Variants in ARB2A observed in about 807,000 individuals in gnomAD.
The protein encoded by ARB2A is ARB2 cotranscriptional regulator A.
chr5:93,781,772 G>T, the ARB2A span: 2 of 460,196 alleles, frequency 4.3e-6, no homozygotes, highest in Non-Finnish European at 5.7e-6. Context: ...TTTCTCTGAT[G>T]ATTAGTGATG....
the ARB2A span, among the ~76,000 whole-genome samples, chr5:93,835,092 GAATTC>G: frequency 1.8e-3 from 278 of 152,278 alleles, 2 homozygotes; most frequent in African/African-American, 5.8e-3. Flanking sequence ...ATTTACCCTA[GAATTC>G]TGCTACATTC....
the ARB2A span, among the ~76,000 whole-genome samples, chr5:93,726,678 TG>T: frequency 1.3e-5 from 2 of 152,008 alleles, no homozygotes; most frequent in Admixed American, 1.3e-4. Context: ...TTTTCTTTTT[TG>T]GTAAGAAGCT....
chr5:94,052,486 C>T, the ARB2A span, among the ~76,000 whole-genome samples: 8 of 152,110 alleles, frequency 5.3e-5, no homozygotes, highest in Non-Finnish European at 7.4e-5. Flanking sequence ...AGCACCAATT[C>T]GGTTAATGCA....
At chr5:93,764,118 CT>C in the ARB2A span, among the ~76,000 whole-genome samples, 2 of 152,110 alleles carry the variant, frequency 1.3e-5, no homozygotes, top group African/African-American at 4.8e-5. Context: ...AATTGACACC[CT>C]AATATCACAA....
the ARB2A span, among the ~76,000 whole-genome samples, chr5:93,926,291 A>C: frequency 6.6e-6 from 1 of 151,746 alleles, no homozygotes; most frequent in Non-Finnish European, 1.5e-5. Flanking sequence ...CACCATGCCC[A>C]GCTAATTTTG....
the ARB2A span, among the ~76,000 whole-genome samples, chr5:93,746,420 G>C: frequency 3.3e-5 from 5 of 152,306 alleles, no homozygotes; most frequent in South Asian, 2.1e-4. Context: ...TTTTACTCTT[G>C]TATGTGGAGA....
chr5:94,086,742 G>A, the ARB2A span, among the ~76,000 whole-genome samples: 1 of 151,944 alleles, frequency 6.6e-6, no homozygotes, highest in East Asian at 1.9e-4. Flanking sequence ...TAGTAGAGAC[G>A]GGGTTTCACC....
chr5:94,091,281 T>C, the ARB2A span, among the ~76,000 whole-genome samples: 11 of 152,340 alleles, frequency 7.2e-5, no homozygotes, highest in African/African-American at 1.2e-4. Flanking sequence ...TTAGCAGTTA[T>C]TGCAGTATTC....
chr5:93,652,329 T>C, the ARB2A span, among the ~76,000 whole-genome samples: 13 of 152,178 alleles, frequency 8.5e-5, no homozygotes, highest in African/African-American at 1.2e-4. Context: ...TGGTTGAAAA[T>C]CACTGATTTA....
chr5:93,827,636 A>G, the ARB2A span, among the ~76,000 whole-genome samples: 1 of 151,660 alleles, frequency 6.6e-6, no homozygotes, highest in African/African-American at 2.4e-5. Context: ...TTTTGTTGCC[A>G]TTGCTTTTGG....
At chr5:93,884,749 T>C in the ARB2A span, among the ~76,000 whole-genome samples, 1 of 151,614 alleles carries the variant, frequency 6.6e-6, no homozygotes, top group Non-Finnish European at 1.5e-5. Context: ...ATTACTGTTC[T>C]GTAAAAAAAC....
At chr5:93,842,771 T>C in the ARB2A span, among the ~76,000 whole-genome samples, 4 of 152,284 alleles carry the variant, frequency 2.6e-5, no homozygotes, top group South Asian at 8.3e-4. Flanking sequence ...ATAAGGCTGT[T>C]TGAGAAATAT....
chr5:93,688,825 T>C, the ARB2A span, among the ~76,000 whole-genome samples: 1 of 152,146 alleles, frequency 6.6e-6, no homozygotes, highest in African/African-American at 2.4e-5. Context: ...AGCTGATCAA[T>C]ATTCAGGACC....
At chr5:93,929,892 T>G in the ARB2A span, among the ~76,000 whole-genome samples, 1 of 152,190 alleles carries the variant, frequency 6.6e-6, no homozygotes, top group African/African-American at 2.4e-5. Context: ...TAGCAAGTAT[T>G]GCAAGTAAAA....
At chr5:93,893,884 C>A in the ARB2A span, among the ~76,000 whole-genome samples, 13 of 152,170 alleles carry the variant, frequency 8.5e-5, no homozygotes, top group Non-Finnish European at 1.6e-4. Flanking sequence ...CTCTTTTAAT[C>A]ACAGTGTAGC....
chr5:93,634,399 AAAAAAAC>A, the ARB2A span, among the ~76,000 whole-genome samples: 1,577 of 151,788 alleles, frequency 0.01, 9 homozygotes, highest in Non-Finnish European at 0.014. Context: ...ACTGTCTCAA[AAAAAAAC>A]AAAAAACAAA....
the ARB2A span, among the ~76,000 whole-genome samples, chr5:93,960,866 C>T: frequency 3.5e-4 from 54 of 152,196 alleles, no homozygotes; most frequent in African/African-American, 1.3e-3. Flanking sequence ...TTAGCTTCAC[C>T]TGCATGCTAT....
chr5:94,011,361 T>C, the ARB2A span, among the ~76,000 whole-genome samples: 2 of 152,340 alleles, frequency 1.3e-5, no homozygotes, highest in East Asian at 3.9e-4. Flanking sequence ...CTAATCACAA[T>C]GTCTTTTACT....
At chr5:94,010,211 TTA>T in the ARB2A span, among the ~76,000 whole-genome samples, 1 of 152,138 alleles carries the variant, frequency 6.6e-6, no homozygotes, top group African/African-American at 2.4e-5. Context: ...AAGCATTGTT[TTA>T]GTTGCATACC....
Sources: gnomAD v4.1 joint callset for allele counts (sites outside exome capture counted in the v4.1 genomes callset) on GRCh38, gnomAD v4.1.1 for gene constraint, MANE v1.5 for transcripts, NCBI Gene and HGNC (gene_info 2026-07-23, HGNC 2026-07-21) for gene names.